NEK11: variants seen among roughly 807,000 people sequenced by gnomAD.
NEK11 encodes the protein serine/threonine-protein kinase Nek11.
NEK11 carries 72 observed loss-of-function variants against 80.7 expected under a neutral mutation model. The observed-to-expected ratio is 0.89, with a 90% CI of 0.74 to 1.08. NEK11 has a LOEUF of 1.08. Ranked by LOEUF, NEK11 falls within the 50% of genes least tolerant of loss-of-function variation. The pLI, the probability that NEK11 is intolerant of heterozygous loss-of-function variation, is 0.00. For missense variants in NEK11, 764 were observed against 763.6 expected, an observed-to-expected ratio of 1.00 and a Z score of -0.01; for synonymous variants, 251 against 260.7, an observed-to-expected ratio of 0.96 and a Z score of 0.36.
Position 131,228,556 on chromosome 3 carries a change from AG to A in NEK11, c.1429del (p.Glu477SerfsTer21). 1 of 1,608,266 alleles carries A rather than the reference AG, an allele frequency of 6.2e-7. No individual in the cohort carries two copies. Among genetic ancestry groups the A allele is most frequent in the Non-Finnish European group, 8.5e-7 (1 of 1,177,002 alleles). On this transcript the variant is annotated frameshift_variant, in exon 15 of 18. Transcript: ENST00000383366. LOFTEE classifies it high-confidence loss of function. ...EIPEDPLVAE[E>X]YYADAFDSYC... is the part of the protein sequence containing the mutation. ...TCCCAGAAGACCCACTTGTGGCTGA[AG>A]AGTACTACGCTGATGCATTTGATTC...
intron 14 of NEK11, among the ~76,000 whole-genome samples, chr3:131,177,080 G>C (rs2245279): frequency 0.078 from 11,874 of 152,170 alleles, 1,016 homozygotes; most frequent in East Asian, 0.43. Flanking sequence ...CATATACCAC[G>C]GTATGGTTTT....
At chr3:131,158,343 C>G (rs2091042126) in intron 10 of NEK11, among the ~76,000 whole-genome samples, 1 of 152,164 alleles carries the variant, frequency 6.6e-6, no homozygotes, top group Admixed American at 6.5e-5. Flanking sequence ...TTTGACTTTC[C>G]TGCCCTGCCA....
intron 3 of NEK11, among the ~76,000 whole-genome samples, chr3:131,078,376 G>A (rs2074718644): frequency 6.6e-6 from 1 of 152,164 alleles, no homozygotes; most frequent in Non-Finnish European, 1.5e-5. Flanking sequence ...TAGGATAAGG[G>A]CACTTTCTAC....
intron 14 of NEK11, among the ~76,000 whole-genome samples, chr3:131,194,686 G>A (rs1217477330): frequency 2.0e-5 from 3 of 151,754 alleles, no homozygotes; most frequent in African/African-American, 7.3e-5. Flanking sequence ...AAATGATTAG[G>A]AGAAACTACA....
intron 5 of NEK11, among the ~76,000 whole-genome samples, chr3:131,119,555 A>G (rs1337848112): frequency 6.6e-6 from 1 of 152,148 alleles, no homozygotes; most frequent in African/African-American, 2.4e-5. Flanking sequence ...GTTCTGCCTA[A>G]TGTTGACAGT....
intron 17 of NEK11, among the ~76,000 whole-genome samples, chr3:131,308,447 TA>T (rs1373164097): frequency 6.6e-6 from 1 of 152,186 alleles, no homozygotes; most frequent in African/African-American, 2.4e-5. Flanking sequence ...CAAAAATAGA[TA>T]AAAACAAATT....
At chr3:131,136,511 G>C (rs1378216984) in intron 7 of NEK11, among the ~76,000 whole-genome samples, 1 of 152,030 alleles carries the variant, frequency 6.6e-6, no homozygotes, top group Non-Finnish European at 1.5e-5. Context: ...ACTAATAGCT[G>C]TACATATTAT....
chr3:131,147,111 A>T (rs1238079846), intron 7 of NEK11, among the ~76,000 whole-genome samples: 1 of 152,088 alleles, frequency 6.6e-6, no homozygotes, highest in African/African-American at 2.4e-5. Context: ...CTACTCCAAG[A>T]TCATGAAGAT....
intron 15 of NEK11, among the ~76,000 whole-genome samples, chr3:131,234,241 A>G (rs1561118633): frequency 6.6e-6 from 1 of 152,266 alleles, no homozygotes; most frequent in Admixed American, 6.5e-5. Context: ...GTTATGGGAT[A>G]CAGATTTATC....
In NEK11 at chr3:131,314,130, A is replaced by AGTGTGTGTGTGT. The variant is rs143988468; in HGVS notation, c.1719-35414_1719-35403dup. Among the ~76,000 whole-genome samples the AGTGTGTGTGTGT allele has an allele frequency of 4.3e-3, 638 of 149,320 alleles. 10 individuals are homozygous for AGTGTGTGTGTGT. Among genetic ancestry groups the AGTGTGTGTGTGT allele is most frequent in the Admixed American group, 0.014 (209 of 14,966 alleles). ...TTCCAATTTATCCATGGAGAAAAAG[A>AGTGTGTGTGTGT]GTGTGTGTGTGTGTGTGTGTGTGTC... On this transcript the variant is annotated intron_variant, in intron 17 of 17. Transcript: ENST00000383366.
chr3:131,283,817 G>A (rs1297717236), intron 17 of NEK11, among the ~76,000 whole-genome samples: 1 of 152,110 alleles, frequency 6.6e-6, no homozygotes, highest in South Asian at 2.1e-4. Flanking sequence ...ACAAAAGTTT[G>A]TACGTAACAA....
intron 17 of NEK11, among the ~76,000 whole-genome samples, chr3:131,319,260 A>C (rs991421724): frequency 6.6e-6 from 1 of 152,194 alleles, no homozygotes; most frequent in Non-Finnish European, 1.5e-5. Flanking sequence ...TTTATTTAAC[A>C]AACTTTTACA....
At chr3:131,323,622 A>C (rs2109803523) in intron 17 of NEK11, among the ~76,000 whole-genome samples, 1 of 152,350 alleles carries the variant, frequency 6.6e-6, no homozygotes, top group South Asian at 2.1e-4. Flanking sequence ...TTGAATGAGA[A>C]ATTCGTGAAA....
intron 14 of NEK11, among the ~76,000 whole-genome samples, chr3:131,174,525 C>T (rs1479487556): frequency 2.0e-5 from 3 of 152,110 alleles, no homozygotes; most frequent in Non-Finnish European, 4.4e-5. Flanking sequence ...GAGTTAGTTG[C>T]AGAGAAGAAA....
chr3:131,118,973 A>C (rs1251546591), intron 5 of NEK11, among the ~76,000 whole-genome samples: 4 of 151,972 alleles, frequency 2.6e-5, no homozygotes, highest in Admixed American at 2.6e-4. Context: ...TATCTTCTTC[A>C]GTTCTGCTCT....
chr3:131,241,967 T>C (rs1037233267), intron 15 of NEK11, among the ~76,000 whole-genome samples: 1 of 152,148 alleles, frequency 6.6e-6, no homozygotes, highest in African/African-American at 2.4e-5. Flanking sequence ...TTATTTTCAA[T>C]ATTTGTATTT....
chr3:131,115,459 G>A (rs913331161), intron 5 of NEK11, among the ~76,000 whole-genome samples: 2 of 152,180 alleles, frequency 1.3e-5, no homozygotes, highest in Non-Finnish European at 2.9e-5. Flanking sequence ...ACACTAAGAA[G>A]AATGAAGTTA....
chr3:131,094,239 A>C (rs2077123365), intron 4 of NEK11, among the ~76,000 whole-genome samples: 1 of 151,756 alleles, frequency 6.6e-6, no homozygotes, highest in Non-Finnish European at 1.5e-5. Flanking sequence ...GTTCTAGATC[A>C]TGAAAGATCT....
At chr3:131,348,831 TA>T (rs960200197) in intron 17 of NEK11, among the ~76,000 whole-genome samples, 1 of 152,026 alleles carries the variant, frequency 6.6e-6, no homozygotes, top group East Asian at 1.9e-4. Flanking sequence ...AATAGGGATT[TA>T]AAAAATTGCC....
Sources: allele counts gnomAD v4.1 joint callset (sites outside exome capture counted in the v4.1 genomes callset), GRCh38; gene constraint gnomAD v4.1.1; transcripts MANE v1.5; gene names NCBI Gene and HGNC (gene_info 2026-07-23, HGNC 2026-07-21).